SDK2: variants seen among roughly 807,000 people sequenced by gnomAD.
The protein encoded by SDK2 is sidekick cell adhesion molecule 2, also known as protein sidekick-2.
SDK2 carries 105 observed loss-of-function variants against 253.9 expected under a neutral mutation model. The observed-to-expected ratio is 0.41, with a 90% CI of 0.35 to 0.49. The LOEUF is 0.49. Among genes scored for constraint, SDK2 ranks in the 20% least tolerant of loss-of-function variants. SDK2 has a pLI of 0.06. For synonymous variants in SDK2, 1,249 were observed against 1,234.9 expected (o/e 1.01, Z -0.24); for missense variants, 2,608 against 3,003.0 (o/e 0.87, Z 3.07).
chr17:73,437,701 G>T, intron 8 of SDK2, 38 bp downstream of exon 8: 2 of 1,515,030 alleles, frequency 1.3e-6, no homozygotes. Flanking sequence ...CTGAAGATCT[G>T]GGGTCTTTGT....
In SDK2 at chr17:73,640,557, C is replaced by T. The variant is rs146466444; in HGVS notation, c.64+3468G>A. The stretch of plus-strand genomic sequence containing the variant: ...CTGAGCCCCAGGCAAGCACGACACT[C>T]GGCCTCCTGGTAATTAGCGAAAGGC... On this transcript the variant is annotated intron_variant, in intron 1 of 44. Coordinates refer to ENST00000392650, the MANE Select transcript of SDK2 (RefSeq NM_001144952.2). Among the ~76,000 whole-genome samples, 652 of 152,302 alleles carry T rather than the reference C, an allele frequency of 4.3e-3. 2 individuals are homozygous for T. The highest frequency in any genetic ancestry group is 8.0e-3 in the Non-Finnish European group (542 of 68,030).
At chr17:73,394,090 A>T in intron 26 of SDK2, 119 bp downstream of exon 26, 1 of 582,678 alleles carries the variant, frequency 1.7e-6, no homozygotes, top group Non-Finnish European at 2.8e-6. Context: ...CGCCAGGCAG[A>T]TCCCCTGTAT....
At chr17:73,606,379 G>T (rs186842626) in intron 1 of SDK2, among the ~76,000 whole-genome samples, 2 of 151,712 alleles carry the variant, frequency 1.3e-5, no homozygotes, top group Admixed American at 1.3e-4. Flanking sequence ...CCTCCTCTGA[G>T]GGGGGGCAGG....
chr17:73,372,108 G>A (rs1024658540), intron 36 of SDK2, among the ~76,000 whole-genome samples: 1 of 152,210 alleles, frequency 6.6e-6, no homozygotes. Context: ...GTGAGGAGTG[G>A]GTCGGGGCCT....
chr17:73,373,432 T>C (rs1205462958), intron 36 of SDK2, among the ~76,000 whole-genome samples: 1 of 152,230 alleles, frequency 6.6e-6, no homozygotes, highest in East Asian at 1.9e-4. Context: ...TCTGCGGAAC[T>C]TCCATACCGT....
At chr17:73,426,044 T>C (rs2063279108) in intron 12 of SDK2, among the ~76,000 whole-genome samples, 2 of 151,606 alleles carry the variant, frequency 1.3e-5, no homozygotes, top group African/African-American at 2.4e-5. Context: ...TATTTTTATA[T>C]TTTATTTTAT....
intron 2 of SDK2, among the ~76,000 whole-genome samples, chr17:73,479,721 C>T (rs905597816): frequency 2.0e-5 from 3 of 152,156 alleles, no homozygotes; most frequent in Non-Finnish European, 2.9e-5. Context: ...GACAGAGTCT[C>T]GCTCTGTCAC....
intron 43 of SDK2, among the ~76,000 whole-genome samples, chr17:73,349,086 T>TGTGG (rs954393425): frequency 6.6e-6 from 1 of 152,132 alleles, no homozygotes; most frequent in Non-Finnish European, 1.5e-5. Flanking sequence ...GTGTGTGCAC[T>TGTGG]GTGGGTAGGA....
Position 73,401,988 on chromosome 17 carries a change from C to G in SDK2, c.2638G>C (p.Gly880Arg). The change falls in exon 19 of 45, where the codon GGG (glycine) becomes CGG (arginine). Residue 880 changes from glycine to arginine, a missense_variant. Gly to Arg is a moderately radical substitution (Grantham distance 125). Coordinates refer to ENST00000392650, the MANE Select transcript of SDK2 (RefSeq NM_001144952.2). ...SVLCFTTPGD[G>R]PRSTPQLVRT... ...ACCAGCTGCGGGGTGCTGCGTGGCC[C>G]GTCCCCGGGGGTGGTGAAACACAGC... 1.2e-6 allele frequency: 2 copies of G among 1,613,396 alleles called. No individual in the cohort carries two copies. The highest frequency in any genetic ancestry group is 1.7e-6 in the Non-Finnish European group (2 of 1,179,696).
chr17:73,510,459 G>A (rs1408639995), intron 1 of SDK2, among the ~76,000 whole-genome samples: 1 of 152,176 alleles, frequency 6.6e-6, no homozygotes, highest in Non-Finnish European at 1.5e-5. Flanking sequence ...GCTGCCCAGA[G>A]GCTGCCTTCG....
At chr17:73,483,116 A>G (rs1034681849) in intron 2 of SDK2, among the ~76,000 whole-genome samples, 1 of 151,760 alleles carries the variant, frequency 6.6e-6, no homozygotes, top group Non-Finnish European at 1.5e-5. Flanking sequence ...TGGGGCCCTC[A>G]AGACTGCTCT....
At chr17:73,554,205 G>C (rs756773986) in intron 1 of SDK2, among the ~76,000 whole-genome samples, 7 of 152,128 alleles carry the variant, frequency 4.6e-5, no homozygotes, top group Admixed American at 4.6e-4. Flanking sequence ...AGTGCTTTGC[G>C]CAATGCCAGG....
intron 2 of SDK2, among the ~76,000 whole-genome samples, chr17:73,495,652 G>T (rs1262643279): frequency 2.6e-5 from 4 of 151,580 alleles, no homozygotes; most frequent in Non-Finnish European, 5.9e-5. Context: ...GTGTTTGTTT[G>T]TGTATGTGTG....
intron 1 of SDK2, among the ~76,000 whole-genome samples, chr17:73,527,150 G>A (rs2064132532): frequency 6.6e-6 from 1 of 152,188 alleles, no homozygotes; most frequent in Non-Finnish European, 1.5e-5. Context: ...GCAGTCAGGG[G>A]AGCTCCAGGG....
intron 1 of SDK2, among the ~76,000 whole-genome samples, chr17:73,583,624 G>A (rs1022919024): frequency 6.6e-6 from 1 of 152,196 alleles, no homozygotes; most frequent in Non-Finnish European, 1.5e-5. Flanking sequence ...GACAGTCCCC[G>A]GCCCTCACCC....
At position 73,352,746 on chromosome 17, in the gene SDK2, C is replaced by T. The variant is rs1568362222; in HGVS notation, c.5594-109G>A. The stretch of plus-strand genomic sequence containing the variant: ...TGAGGGCTGGGCCTGTTGGATCCTC[C>T]CTGCTCCACACTGAATCGCAGGCCT... On this transcript the variant is annotated intron_variant, in intron 40 of 44. Coordinates refer to ENST00000392650, the MANE Select transcript of SDK2 (RefSeq NM_001144952.2). This position sits in a 1 kb window ranked among gnomAD's most constrained non-coding sequence, Gnocchi z 4.1. 2.7e-6 allele frequency: 3 copies of T among 1,126,390 alleles called. No individual in the cohort carries two copies. In the East Asian group the frequency reaches 7.5e-5, roughly 28 times the overall value. The allele number at this position is 1,126,390 out of a possible 1,614,324, so 69.8% of individuals were successfully genotyped here.
At chr17:73,594,661 A>G (rs1367685939) in intron 1 of SDK2, among the ~76,000 whole-genome samples, 1 of 152,162 alleles carries the variant, frequency 6.6e-6, no homozygotes, top group Non-Finnish European at 1.5e-5. Context: ...TAGCACACAT[A>G]TGCACACATA....
intron 18 of SDK2, among the ~76,000 whole-genome samples, chr17:73,411,995 T>TATAA (rs1438714809): frequency 2.5e-4 from 34 of 137,008 alleles, no homozygotes; most frequent in Admixed American, 2.5e-3. Context: ...CGTATATATA[T>TATAA]ACACACATAT....
chr17:73,633,367 G>C (rs1014652603), intron 1 of SDK2, among the ~76,000 whole-genome samples: 3 of 152,174 alleles, frequency 2.0e-5, no homozygotes, highest in Non-Finnish European at 4.4e-5. Context: ...AGGCTGCATG[G>C]CCGGATACCC....
Sources: gnomAD v4.1 joint callset for allele counts (sites outside exome capture counted in the v4.1 genomes callset) on GRCh38, gnomAD v4.1.1 for gene constraint, Gnocchi (gnomAD v3.1) non-coding constraint, MANE v1.5 for transcripts, NCBI Gene and HGNC (gene_info 2026-07-23, HGNC 2026-07-21) for gene names.